The following PCDHGB7 variants were observed in gnomAD, a reference collection of about 807,000 sequenced individuals.
PCDHGB7 encodes protocadherin gamma subfamily B, 7.
In PCDHGB7, 37 loss-of-function variants were observed where a neutral mutation model predicts 61.4. The observed-to-expected ratio is 0.60, with a 90% CI of 0.46 to 0.79. PCDHGB7 has a LOEUF of 0.79. Ranked by LOEUF, PCDHGB7 falls within the 30% of genes least tolerant of loss-of-function variation. The probability of loss-of-function intolerance (pLI) is 0.00; values close to 1 mark genes in which losing one functional copy is unlikely to be tolerated. For synonymous variants in PCDHGB7, 464 were observed against 503.5 expected (o/e 0.92, Z 1.05); for missense variants, 1,166 against 1,202.5 (o/e 0.97, Z 0.45).
intron 1 of PCDHGB7, among the ~76,000 whole-genome samples, chr5:141,473,965 A>C (rs925515548): frequency 1.1e-4 from 16 of 152,206 alleles, no homozygotes; most frequent in African/African-American, 3.9e-4. Flanking sequence ...TCTACTTAGA[A>C]GTCTGAGGCG....
intron 1 of PCDHGB7, among the ~76,000 whole-genome samples, chr5:141,457,863 C>A (rs2098930968): frequency 6.6e-6 from 1 of 152,194 alleles, no homozygotes; most frequent in Non-Finnish European, 1.5e-5. Flanking sequence ...TCTTCACTGA[C>A]CACAGGTTAG....
chr5:141,450,815 ATAT>A (rs1420984335), intron 1 of PCDHGB7, among the ~76,000 whole-genome samples: 6 of 126,742 alleles, frequency 4.7e-5, no homozygotes, highest in South Asian at 2.4e-4. Flanking sequence ...TATTTATTTA[ATAT>A]TATTATTATT....
chr5:141,437,762 A>G (rs1286042187), intron 1 of PCDHGB7, among the ~76,000 whole-genome samples: 1 of 149,476 alleles, frequency 6.7e-6, no homozygotes, highest in African/African-American at 2.5e-5. Context: ...TTTTTGAGAC[A>G]GAGTCTCAAT....
chr5:141,479,562 T>G (rs1176956064), intron 1 of PCDHGB7: 2 of 152,218 alleles, frequency 1.3e-5, no homozygotes, highest in Non-Finnish European at 2.9e-5. Flanking sequence ...TATCCAGTAG[T>G]GGGATGACAT....
chr5:141,427,931 G>T (rs1381637805), intron 1 of PCDHGB7: 3 of 1,583,646 alleles, frequency 1.9e-6, no homozygotes, highest in Non-Finnish European at 2.6e-6. Flanking sequence ...GGCGCATGTT[G>T]GTGGGCGACC....
At chr5:141,497,479 G>A (rs1028715475) in intron 2 of PCDHGB7, among the ~76,000 whole-genome samples, 5 of 151,886 alleles carry the variant, frequency 3.3e-5, no homozygotes, top group Non-Finnish European at 7.4e-5. Flanking sequence ...GAGAAGGTGC[G>A]GAACCTCTCT....
rs1297899765 is a variant in PCDHGB7, at chr5:141,431,815, C to T, written c.2415+11541C>T. ...CCCCAGAAGTGGTCCTCACCTCTCTCGCCAGCTCGGTTCCCGAAAACTCTC... is the reference window on the plus strand; with the variant it reads ...CCCCAGAAGTGGTCCTCACCTCTCTTGCCAGCTCGGTTCCCGAAAACTCTC... On this transcript the variant is annotated intron_variant, in intron 1 of 3. Transcript: ENST00000398594. The surrounding 1 kb of genome is among the most constrained non-coding windows in gnomAD (Gnocchi z 4.8). 5 of 1,614,124 alleles carry T rather than the reference C, an allele frequency of 3.1e-6. No homozygotes were observed. The Admixed American group carries it at 5.0e-5, about 16-fold the overall frequency.
At chr5:141,422,665 C>T in intron 1 of PCDHGB7, 2 of 1,608,390 alleles carry the variant, frequency 1.2e-6, no homozygotes, top group Non-Finnish European at 8.5e-7. Context: ...CGCCCTCGAC[C>T]CGGACAGCAA....
At chr5:141,482,530 CAAAAAAA>C (rs3074545) in intron 1 of PCDHGB7, among the ~76,000 whole-genome samples, 2 of 76,560 alleles carry the variant, frequency 2.6e-5, no homozygotes, top group South Asian at 4.6e-4. Flanking sequence ...GACAGACATG[CAAAAAAA>C]AAAAAAAAAA....
At chr5:141,436,910 TGTGA>T (rs1332506247) in intron 1 of PCDHGB7, among the ~76,000 whole-genome samples, 1 of 152,228 alleles carries the variant, frequency 6.6e-6, no homozygotes, top group Non-Finnish European at 1.5e-5. Flanking sequence ...GAGACAATTT[TGTGA>T]GTGTTACTTT....
chr5:141,441,656 C>A, intron 1 of PCDHGB7: 1 of 247,684 alleles, frequency 4.0e-6, no homozygotes, highest in Non-Finnish European at 8.1e-6. Flanking sequence ...TCTAGGTGTC[C>A]TTGAGCGCAC....
chr5:141,424,026 C>G, intron 1 of PCDHGB7: 1 of 1,041,918 alleles, frequency 9.6e-7, no homozygotes, highest in Non-Finnish European at 1.2e-6. Context: ...TTCACAAACA[C>G]TTTTTATTTC....
chr5:141,496,980 G>T (rs186715298), intron 2 of PCDHGB7, among the ~76,000 whole-genome samples: 1 of 151,974 alleles, frequency 6.6e-6, no homozygotes, highest in Admixed American at 6.6e-5. Flanking sequence ...GAGGTCAGGG[G>T]TTTGAGACCA....
intron 1 of PCDHGB7, among the ~76,000 whole-genome samples, chr5:141,425,068 A>G (rs1484760901): frequency 6.6e-6 from 1 of 152,174 alleles, no homozygotes; most frequent in African/African-American, 2.4e-5. Context: ...GGACAAAAAT[A>G]ATTTCAACTG....
chr5:141,427,361 A>ACC (rs781206288), intron 1 of PCDHGB7: 1 of 457,772 alleles, frequency 2.2e-6, no homozygotes, highest in South Asian at 1.5e-5. Context: ...AGGACGCAGA[A>ACC]CCCTGGACGG....
intron 1 of PCDHGB7, chr5:141,478,289 G>A (rs1210628852): frequency 1.2e-6 from 2 of 1,614,146 alleles, no homozygotes; most frequent in African/African-American, 2.7e-5. Context: ...GCAGTCTAGA[G>A]ACCTATACCG....
intron 1 of PCDHGB7, among the ~76,000 whole-genome samples, chr5:141,438,517 T>G (rs975190211): frequency 6.7e-6 from 1 of 148,384 alleles, no homozygotes; most frequent in Non-Finnish European, 1.5e-5. Context: ...AAACCAATTA[T>G]TTTACATGGA....
intron 1 of PCDHGB7, among the ~76,000 whole-genome samples, chr5:141,420,643 A>G (rs145459829): frequency 0.01 from 1,535 of 152,326 alleles, 17 homozygotes; most frequent in Non-Finnish European, 0.013. Flanking sequence ...GGAACCTTGT[A>G]AGAATTATAG....
Position 141,491,422 on chromosome 5 carries a change from G to A in PCDHGB7, c.2416-3385G>A. 1 of 1,614,112 alleles carries A rather than the reference G, an allele frequency of 6.2e-7. No individual in the cohort carries two copies. Among genetic ancestry groups the A allele is most frequent in the East Asian group, 2.2e-5 (1 of 44,874 alleles). On this transcript the variant is annotated intron_variant, in intron 1 of 3. Coordinates refer to ENST00000398594, the MANE Select transcript of PCDHGB7 (RefSeq NM_018927.4). The surrounding 1 kb of genome is among the most constrained non-coding windows in gnomAD (Gnocchi z 6.9). The stretch of plus-strand genomic sequence containing the variant: ...AAACGCAGACGGGGACGGGGGTGGA[G>A]GGCAGTGCTGCAGGCGCCAGGACTC...
Sources: allele counts gnomAD v4.1 joint callset (sites outside exome capture counted in the v4.1 genomes callset), GRCh38; gene constraint gnomAD v4.1.1; non-coding constraint Gnocchi (gnomAD v3.1); transcripts MANE v1.5; gene names NCBI Gene and HGNC (gene_info 2026-07-23, HGNC 2026-07-21).